SOX6: variants seen among roughly 807,000 people sequenced by gnomAD.
SOX6 encodes transcription factor SOX-6.
Under a neutral mutation model 97.8 loss-of-function variants are expected in SOX6, and 11 were observed. The ratio of observed to expected loss-of-function variants is 0.11; its 90% CI spans 0.07 to 0.19. SOX6 has a LOEUF of 0.19. Ranked by LOEUF, SOX6 falls within the 10% of genes least tolerant of loss-of-function variation. SOX6 has a pLI of 1.00. For missense variants in SOX6, 810 were observed against 1,039.5 expected (o/e 0.78, Z 3.04); for synonymous variants, 360 against 371.4 (o/e 0.97, Z 0.35).
At chr11:16,480,560 A>G (rs971886866), upstream of SOX6, among the ~76,000 whole-genome samples, 3 of 152,160 alleles carry the variant, frequency 2.0e-5, no homozygotes, top group African/African-American at 7.2e-5. Flanking sequence ...TCCCTGTATA[A>G]TTAGACTTTA....
chr11:16,086,422 C>T (rs1848579372), intron 9 of SOX6, among the ~76,000 whole-genome samples: 1 of 152,136 alleles, frequency 6.6e-6, no homozygotes, highest in South Asian at 2.1e-4. Flanking sequence ...TGCTCTCTGC[C>T]CCACAGTTCC....
chr11:16,532,033 A>G (rs1007523100), intron 4 of SOX6, among the ~76,000 whole-genome samples: 1 of 151,886 alleles, frequency 6.6e-6, no homozygotes, highest in Non-Finnish European at 1.5e-5. Flanking sequence ...ATAAAAATGG[A>G]AATAATCTCC....
chr11:16,577,452 T>C (rs778576335), intron 4 of SOX6, among the ~76,000 whole-genome samples: 1 of 152,200 alleles, frequency 6.6e-6, no homozygotes, highest in African/African-American at 2.4e-5. Flanking sequence ...TGTTGTGCTA[T>C]ACATATAGTA....
At chr11:16,429,993 G>C (rs1859240107) in intron 1 of SOX6, among the ~76,000 whole-genome samples, 1 of 152,016 alleles carries the variant, frequency 6.6e-6, no homozygotes, top group African/African-American at 2.4e-5. Flanking sequence ...CTATAAAATA[G>C]AAACAATAGA....
At chr11:16,618,439 T>A (rs1481483561) in intron 3 of SOX6, among the ~76,000 whole-genome samples, 1 of 151,870 alleles carries the variant, frequency 6.6e-6, no homozygotes, top group Non-Finnish European at 1.5e-5. Context: ...TTAAAAGTAA[T>A]TTTTAGAAAG....
At chr11:16,574,793 A>G (rs1217157829) in intron 4 of SOX6, among the ~76,000 whole-genome samples, 3 of 152,172 alleles carry the variant, frequency 2.0e-5, no homozygotes, top group Non-Finnish European at 4.4e-5. Context: ...CTGTAATCCC[A>G]GCACTTTGGG....
At chr11:15,997,792 C>A (rs1160775077) in intron 13 of SOX6, among the ~76,000 whole-genome samples, 1 of 152,148 alleles carries the variant, frequency 6.6e-6, no homozygotes, top group African/African-American at 2.4e-5. Context: ...CCACTCTCAC[C>A]ATTGTTAATC....
At chr11:16,394,592 C>T (rs1858289527) in intron 1 of SOX6, among the ~76,000 whole-genome samples, 1 of 151,850 alleles carries the variant, frequency 6.6e-6, no homozygotes, top group African/African-American at 2.4e-5. Flanking sequence ...TTTTTATAAC[C>T]TTTTCTATAT....
At chr11:16,601,495 T>C (rs1848269186) in intron 4 of SOX6, among the ~76,000 whole-genome samples, 1 of 152,188 alleles carries the variant, frequency 6.6e-6, no homozygotes, top group South Asian at 2.1e-4. Flanking sequence ...TCATAGAAAG[T>C]TGTTCGTAAA....
chr11:16,520,389 G>A (rs1175431757), intron 4 of SOX6, among the ~76,000 whole-genome samples: 1 of 152,218 alleles, frequency 6.6e-6, no homozygotes, highest in Non-Finnish European at 1.5e-5. Flanking sequence ...GTGAGATACA[G>A]GGGTTGTTTC....
intron 6 of SOX6, among the ~76,000 whole-genome samples, chr11:16,141,372 T>C (rs967054545): frequency 6.6e-6 from 1 of 152,062 alleles, no homozygotes; most frequent in African/African-American, 2.4e-5. Context: ...AAAATATTAA[T>C]AGAACCAACG....
At chr11:16,193,071 A>G (rs1851672276) in intron 4 of SOX6, among the ~76,000 whole-genome samples, 1 of 152,254 alleles carries the variant, frequency 6.6e-6, no homozygotes, top group South Asian at 2.1e-4. Flanking sequence ...CTATGTGATG[A>G]CAACTAAGTT....
chr11:16,253,814 C>T (rs1853594069), intron 3 of SOX6, among the ~76,000 whole-genome samples: 1 of 151,950 alleles, frequency 6.6e-6, no homozygotes, highest in South Asian at 2.1e-4. Flanking sequence ...AGCAACAATT[C>T]CTGAGAATTT....
chr11:16,216,309 C>T (rs1351927777), intron 4 of SOX6, among the ~76,000 whole-genome samples: 1 of 152,148 alleles, frequency 6.6e-6, no homozygotes, highest in Admixed American at 6.5e-5. Context: ...CATAACCTAA[C>T]ACAATGATGG....
intron 3 of SOX6, among the ~76,000 whole-genome samples, chr11:16,241,723 A>G (rs918083468): frequency 6.6e-6 from 1 of 152,002 alleles, no homozygotes; most frequent in Non-Finnish European, 1.5e-5. Context: ...AACTATCTAA[A>G]GGCTCTCTCA....
chr11:16,399,272 T>A (rs1287697144), intron 1 of SOX6, among the ~76,000 whole-genome samples: 1 of 151,368 alleles, frequency 6.6e-6, no homozygotes, highest in Non-Finnish European at 1.5e-5. Context: ...CTATATAAAT[T>A]GCTACTGTAT....
intron 4 of SOX6, among the ~76,000 whole-genome samples, chr11:16,194,846 C>T (rs755988287): frequency 6.6e-6 from 1 of 152,188 alleles, no homozygotes; most frequent in African/African-American, 2.4e-5. Flanking sequence ...TTTATAAGCC[C>T]ATCCTTTTTG....
intron 4 of SOX6, among the ~76,000 whole-genome samples, chr11:16,591,389 A>T (rs12365482): frequency 0.25 from 37,015 of 151,016 alleles, 4,811 homozygotes; most frequent in Middle Eastern, 0.31. Flanking sequence ...CAGAAAGATA[A>T]TTAGGTATAT....
At chr11:16,335,703 C>T (rs901203365) in intron 2 of SOX6, among the ~76,000 whole-genome samples, 1 of 152,132 alleles carries the variant, frequency 6.6e-6, no homozygotes, top group Non-Finnish European at 1.5e-5. Flanking sequence ...GGATTGTTAT[C>T]ATGTAATGAC....
Sources: gnomAD v4.1 joint callset for allele counts (sites outside exome capture counted in the v4.1 genomes callset) on GRCh38, gnomAD v4.1.1 for gene constraint, MANE v1.5 for transcripts, NCBI Gene and HGNC (gene_info 2026-07-23, HGNC 2026-07-21) for gene names.